Variants in CSGALNACT2 observed in about 807,000 individuals in gnomAD.
CSGALNACT2 encodes the protein beta 4 GalNAcT-2.
Under a neutral mutation model 55.3 loss-of-function variants are expected in CSGALNACT2, and 35 were observed. That is an observed-to-expected ratio of 0.63 (90% CI 0.48 to 0.84). CSGALNACT2 has a LOEUF of 0.84. Among genes scored for constraint, CSGALNACT2 ranks in the 40% least tolerant of loss-of-function variants. The pLI, the probability that CSGALNACT2 is intolerant of heterozygous loss-of-function variation, is 0.00. For missense variants in CSGALNACT2, 544 were observed against 657.5 expected, an observed-to-expected ratio of 0.83 and a Z score of 1.89; for synonymous variants, 196 against 224.9, an observed-to-expected ratio of 0.87 and a Z score of 1.15.
rs891743639 is a variant in CSGALNACT2 at position 43,163,157 on chromosome 10, T to A, written c.981-709T>A. 5.1e-6 allele frequency: 5 copies of A among 985,246 alleles called. No homozygotes were observed. The Admixed American group carries it at 3.1e-4, about 61-fold the overall frequency. The allele number at this position is 985,246 out of a possible 1,614,324, so 61.0% of individuals were successfully genotyped here. A position where few individuals can be genotyped will look rare whatever the true frequency, so the allele number is the denominator to read the frequency against. On this transcript the variant is annotated intron_variant, in intron 4 of 7. Coordinates refer to ENST00000374466, the MANE Select transcript of CSGALNACT2 (RefSeq NM_018590.5). The stretch of plus-strand genomic sequence containing the variant: ...TTACACTCACCACTGAATTCAACAT[T>A]TTAACCAAGGCATAACTCACGTTCC...
chr10:43,140,734 C>T (rs78222320), intron 1 of CSGALNACT2, among the ~76,000 whole-genome samples: 6,674 of 152,290 alleles, frequency 0.044, 182 homozygotes, highest in South Asian at 0.089. Flanking sequence ...TATTGTCATG[C>T]TACACAAGCA....
At chr10:43,153,113 G>A (rs1271665269) in intron 1 of CSGALNACT2, among the ~76,000 whole-genome samples, 1 of 151,964 alleles carries the variant, frequency 6.6e-6, no homozygotes, top group Non-Finnish European at 1.5e-5. Flanking sequence ...ACTTTGGGAG[G>A]CCGAGGCGGG....
intron 3 of CSGALNACT2, among the ~76,000 whole-genome samples, chr10:43,159,326 TCTCA>T (rs1839094029): frequency 6.6e-6 from 1 of 151,646 alleles, no homozygotes; most frequent in South Asian, 2.1e-4. Context: ...TGAGACAGGG[TCTCA>T]CTCTATCACC....
intron 7 of CSGALNACT2, among the ~76,000 whole-genome samples, chr10:43,182,542 C>T (rs1839607343): frequency 6.6e-6 from 1 of 152,056 alleles, no homozygotes; most frequent in Non-Finnish European, 1.5e-5. Flanking sequence ...TCTTTTTCCA[C>T]TCTGGGGAGT....
At position 43,158,819 on chromosome 10, in the gene CSGALNACT2, C is replaced by T. The variant is rs997599689; in HGVS notation, c.766C>T (p.Pro256Ser). ...RHVTLFRPFG[P>S]LMKVKSEMID... ...TGTGACCCTCTTCCGCCCTTTTGGA[C>T]CTCTCATGAAAGTGAAGAGTGAGAT... Residue 256 changes from proline (P) to serine (S), a missense_variant, in exon 3 of 8, where the codon CCT becomes TCT. By Grantham distance (74) the Pro-to-Ser change is moderately conservative. Transcript: ENST00000374466. 2 of 1,610,250 alleles carry T rather than the reference C, an allele frequency of 1.2e-6. No homozygotes were observed.
At chr10:43,178,845 T>A (rs1839534420) in intron 7 of CSGALNACT2, among the ~76,000 whole-genome samples, 1 of 152,116 alleles carries the variant, frequency 6.6e-6, no homozygotes, top group Non-Finnish European at 1.5e-5. Flanking sequence ...CCTTTGACAC[T>A]CACTGTATGT....
chr10:43,179,250 T>C (rs1046857091), intron 7 of CSGALNACT2, among the ~76,000 whole-genome samples: 1 of 124,114 alleles, frequency 8.1e-6, no homozygotes. Context: ...TGCTTGCCGG[T>C]TTTTTTTTTT....
rs1448232250 is a variant in CSGALNACT2, at chr10:43,155,638, C to T, written c.489C>T (p.Leu163=). 1 of 1,614,138 alleles carries T rather than the reference C, an allele frequency of 6.2e-7. No individual in the cohort carries two copies. The highest frequency in any genetic ancestry group is 1.7e-5 in the Admixed American group (1 of 60,026). ...LMKVFQLEMG[L]TRHPEEKPVR... is the part of the protein sequence containing the mutation. The stretch of plus-strand genomic sequence containing the variant: ...AAGTATTTCAATTGGAAATGGGTCT[C>T]ACTCGCCATCCTGAAGAAAAGCCAG... The change falls in exon 2 of 8, where the codon CTC becomes CTT. Residue 163 remains leucine (L), a synonymous_variant. Transcript: ENST00000374466.
In CSGALNACT2 at chr10:43,158,862, C is replaced by G; in HGVS notation, c.809C>G (p.Ser270Ter). 1 of 1,612,018 alleles carries G rather than the reference C, an allele frequency of 6.2e-7. No homozygotes were observed. Among genetic ancestry groups the G allele is most frequent in the South Asian group, 1.1e-5 (1 of 91,044 alleles). ...AGTGAGATGATTGACATCACTAGATCAATTATTAATATCATTGTGCCACTT... is the reference window on the plus strand; with the variant it reads ...AGTGAGATGATTGACATCACTAGATGAATTATTAATATCATTGTGCCACTT... ...VKSEMIDITR[S>*]IINIIVPLAE... The change falls in exon 3 of 8, where the codon TCA becomes TGA. Residue 270 changes from serine to a stop codon, truncating the protein, a stop_gained. Transcript: ENST00000374466. LOFTEE classifies it high-confidence loss of function.
rs1413961549 is a variant in CSGALNACT2 at position 43,185,121 on chromosome 10, CTTAA to C, written c.*1583_*1586del. ...AATTACGATATTTAAAGTGAGAGAACTTAATTATTTGCAAAGGTAAGTTACAGCT... is the reference window on the plus strand; with the variant it reads ...AATTACGATATTTAAAGTGAGAGAACTTATTTGCAAAGGTAAGTTACAGCT... On this transcript the variant is annotated 3_prime_UTR_variant, in exon 8 of 8. Transcript: ENST00000374466. The C allele has an allele frequency of 2.6e-5, 4 of 151,960 alleles. No homozygotes were observed. The highest frequency in any genetic ancestry group is 9.7e-5 in the African/African-American group (4 of 41,382). 9.4% of individuals were successfully genotyped at this position (151,960 alleles called of 1,614,324 possible). A position where few individuals can be genotyped will look rare whatever the true frequency, so the allele number is the denominator to read the frequency against.
chr10:43,166,360 C>T (rs1166261180), intron 5 of CSGALNACT2, among the ~76,000 whole-genome samples: 1 of 152,166 alleles, frequency 6.6e-6, no homozygotes, highest in Non-Finnish European at 1.5e-5. Flanking sequence ...GTGATCATAT[C>T]TGATTGAAGC....
chr10:43,148,330 C>G (rs1336506964), intron 1 of CSGALNACT2, among the ~76,000 whole-genome samples: 1 of 151,936 alleles, frequency 6.6e-6, no homozygotes, highest in Admixed American at 6.6e-5. Context: ...GAAGTGTTTT[C>G]CTTCAATTTC....
intron 1 of CSGALNACT2, among the ~76,000 whole-genome samples, chr10:43,145,375 G>A (rs1838722020): frequency 6.7e-6 from 1 of 149,652 alleles, no homozygotes; most frequent in Admixed American, 6.6e-5. Context: ...GTTAGTTGAT[G>A]GCTTCTAATT....
intron 1 of CSGALNACT2, among the ~76,000 whole-genome samples, chr10:43,146,557 A>C (rs1838752302): frequency 6.6e-6 from 1 of 152,124 alleles, no homozygotes; most frequent in Non-Finnish European, 1.5e-5. Context: ...CAGTTCAGTC[A>C]AGTTGACACT....
At chr10:43,165,402 A>G (rs1033048487) in intron 5 of CSGALNACT2, among the ~76,000 whole-genome samples, 28 of 151,900 alleles carry the variant, frequency 1.8e-4, no homozygotes, top group Admixed American at 7.9e-4. Context: ...ATGTGAGGTG[A>G]TGATATATGT....
At chr10:43,152,115 C>T (rs1190009123) in intron 1 of CSGALNACT2, among the ~76,000 whole-genome samples, 1 of 152,084 alleles carries the variant, frequency 6.6e-6, no homozygotes, top group Non-Finnish European at 1.5e-5. Context: ...AGCTTATTTT[C>T]CCATCTTCAC....
Position 43,175,930 on chromosome 10 carries a change from GTTT to G in CSGALNACT2, c.1255-10_1255-8del, listed in dbSNP as rs61579799. 1.9e-4 allele frequency: 249 copies of G among 1,314,904 alleles called. No homozygotes were observed. The highest frequency in any genetic ancestry group is 2.5e-4 in the Admixed American group (11 of 44,750). The allele number at this position is 1,314,904 out of a possible 1,614,324, so 81.5% of individuals were successfully genotyped here. ...TTCTTATGGAATTAAATTGTTTTCT[GTTT>G]TTTTTTTTTTAACTAAGGTTCACAA... On this transcript the variant is annotated intron_variant, in intron 6 of 7. Transcript: ENST00000374466.
intron 6 of CSGALNACT2, among the ~76,000 whole-genome samples, chr10:43,171,647 G>A (rs746365129): frequency 1.3e-5 from 2 of 152,116 alleles, no homozygotes; most frequent in African/African-American, 2.4e-5. Context: ...CACCGCACCC[G>A]GCCAAAGCAT....
Position 43,155,258 on chromosome 10 carries a change from C to G in CSGALNACT2, c.109C>G (p.Gln37Glu). ...TATGTACCTCCTGGAATGTGCCCCCCAGACTGATGGAAATGCATCTCTTCC... is the reference window on the plus strand; with the variant it reads ...TATGTACCTCCTGGAATGTGCCCCCGAGACTGATGGAAATGCATCTCTTCC... ...LFMYLLECAP[Q>E]TDGNASLPGV... is the part of the protein sequence containing the mutation. The change falls in exon 2 of 8, where the codon CAG becomes GAG. Residue 37 changes from glutamine to glutamate, a missense_variant. By Grantham distance (29) the Gln-to-Glu change is conservative. Around this residue, in one of 2 missense-constraint regions of CSGALNACT2, gnomAD observed 374 missense variants for 401.3 expected, o/e 0.93. Coordinates refer to ENST00000374466, the MANE Select transcript of CSGALNACT2 (RefSeq NM_018590.5). 6.2e-7 allele frequency: 1 copy of G among 1,614,138 alleles called. No homozygotes were observed. Among genetic ancestry groups the G allele is most frequent in the Non-Finnish European group, 8.5e-7 (1 of 1,180,024 alleles).
Sources: gnomAD v4.1 joint callset for allele counts (sites outside exome capture counted in the v4.1 genomes callset) on GRCh38, gnomAD v4.1.1 for gene constraint, gnomAD v4.1.1 regional missense constraint, MANE v1.5 for transcripts, NCBI Gene and HGNC (gene_info 2026-07-23, HGNC 2026-07-21) for gene names.